NCOR1: variants seen among roughly 807,000 people sequenced by gnomAD.
NCOR1 encodes protein phosphatase 1, regulatory subunit 109.
A neutral mutation model predicts 288.1 loss-of-function variants in NCOR1; 63 were observed. The ratio of observed to expected loss-of-function variants is 0.22; its 90% CI spans 0.18 to 0.27. NCOR1 has a LOEUF of 0.27. Ranked by LOEUF, NCOR1 falls within the 10% of genes least tolerant of loss-of-function variation. NCOR1 has a pLI of 1.00. For synonymous variants in NCOR1, 1,007 were observed against 1,065.9 expected (o/e 0.94, Z 1.08); for missense variants, 2,397 against 3,019.2 (o/e 0.79, Z 4.83).
chr17:16,147,665 A>C (rs1240646686), intron 9 of NCOR1, among the ~76,000 whole-genome samples: 3 of 152,102 alleles, frequency 2.0e-5, no homozygotes, highest in Non-Finnish European at 4.4e-5. Context: ...ATTCCACACC[A>C]CACCCCACTC....
intron 43 of NCOR1, 89 bp downstream of exon 43, chr17:16,040,352 G>T: frequency 9.5e-7 from 1 of 1,055,706 alleles, no homozygotes; most frequent in Non-Finnish European, 1.5e-6. Flanking sequence ...TCACTCCCCT[G>T]GTATACAGTT....
intron 26 of NCOR1, among the ~76,000 whole-genome samples, chr17:16,078,810 G>A (rs1567876179): frequency 1.3e-5 from 2 of 152,134 alleles, no homozygotes; most frequent in South Asian, 2.1e-4. Context: ...TCCTGACCTC[G>A]TGATCCGCTC....
intron 3 of NCOR1, among the ~76,000 whole-genome samples, chr17:16,176,641 T>TA (rs2084260255): frequency 6.6e-6 from 1 of 152,096 alleles, no homozygotes; most frequent in South Asian, 2.1e-4. Context: ...TTTTTATTGT[T>TA]AAACTGTCTG....
chr17:16,160,302 G>A (rs1197362968), intron 5 of NCOR1, among the ~76,000 whole-genome samples: 2 of 151,766 alleles, frequency 1.3e-5, no homozygotes, highest in Admixed American at 6.6e-5. Flanking sequence ...AAGCAAGCAG[G>A]GACTTGTCTG....
At chr17:16,199,234 C>G (rs2090429119) in intron 1 of NCOR1, among the ~76,000 whole-genome samples, 4 of 149,542 alleles carry the variant, frequency 2.7e-5, no homozygotes, top group Admixed American at 2.0e-4. Flanking sequence ...CACACACACA[C>G]ACACACACAC....
chr17:16,200,460 G>A (rs1210081485), intron 1 of NCOR1, among the ~76,000 whole-genome samples: 1 of 122,486 alleles, frequency 8.2e-6, no homozygotes, highest in Non-Finnish European at 1.6e-5. Context: ...TCGTGCCACT[G>A]CACTCCAGCT....
intron 19 of NCOR1, among the ~76,000 whole-genome samples, chr17:16,105,627 T>C (rs996611134): frequency 9.9e-5 from 15 of 152,120 alleles, no homozygotes; most frequent in Non-Finnish European, 7.4e-5. Flanking sequence ...CTTTGGCTGT[T>C]AACAACAAGA....
intron 14 of NCOR1, 70 bp from the exon 15 acceptor site, chr17:16,126,276 T>C: frequency 2.1e-6 from 3 of 1,396,372 alleles, no homozygotes; most frequent in Non-Finnish European, 2.8e-6. Context: ...TGTGATAAAT[T>C]ATGTCTATCT....
chr17:16,094,897 C>T (rs1194254090), intron 21 of NCOR1, among the ~76,000 whole-genome samples: 3 of 151,906 alleles, frequency 2.0e-5, no homozygotes, highest in African/African-American at 7.3e-5. Flanking sequence ...AGTGCAGTGG[C>T]GTGATCTCGG....
At chr17:16,212,342 T>C (rs1161387600) in intron 1 of NCOR1, among the ~76,000 whole-genome samples, 2 of 152,174 alleles carry the variant, frequency 1.3e-5, no homozygotes, top group African/African-American at 2.4e-5. Context: ...TGCTCGACTA[T>C]ATTTTATAAC....
Position 16,032,107 on chromosome 17 carries a change from TG to T in NCOR1, c.*188del. ...ATTGCCTGTATCAAAGGCAGTTTTT[TG>T]TTTGTTTTTTTCCCATTTGACTCTC... is the stretch of plus-strand genomic sequence containing the variant. On this transcript the variant is annotated 3_prime_UTR_variant, in exon 46 of 46. Coordinates refer to ENST00000268712, the MANE Select transcript of NCOR1 (RefSeq NM_006311.4). The T allele has an allele frequency of 1.7e-6, 1 of 577,948 alleles. No homozygotes were observed. Among genetic ancestry groups the T allele is most frequent in the South Asian group, 2.7e-5 (1 of 37,192 alleles). The allele number at this position is 577,948 out of a possible 1,614,324, so 35.8% of individuals were successfully genotyped here. A position where few individuals can be genotyped will look rare whatever the true frequency, so the allele number is the denominator to read the frequency against.
chr17:16,068,472 C>G (rs957922165), intron 31 of NCOR1: 1 of 237,566 alleles, frequency 4.2e-6, no homozygotes, highest in Admixed American at 5.3e-5. Flanking sequence ...CTTTTGTCCC[C>G]ACATGTAGTA....
At position 16,047,069 on chromosome 17, in the gene NCOR1, A is replaced by G; in HGVS notation, c.6561T>C (p.Ser2187=). ...TGAAGAATGAAGGCAAGTAGCTTAT[A>G]CTCCCTGGTGAGCGGGCATCATTCC... The part of the protein sequence containing the change: ...EQRNDARSPG[S]ISYLPSFFTK... The change falls in exon 42 of 46, where the codon AGT becomes AGC. Residue 2187 remains serine, a synonymous_variant. Coordinates refer to ENST00000268712, the MANE Select transcript of NCOR1 (RefSeq NM_006311.4). 1 of 1,613,306 alleles carries G rather than the reference A, an allele frequency of 6.2e-7. No homozygotes were observed.
At chr17:16,056,255 C>T (rs2059900861) in intron 40 of NCOR1, among the ~76,000 whole-genome samples, 1 of 151,596 alleles carries the variant, frequency 6.6e-6, no homozygotes, top group Non-Finnish European at 1.5e-5. Flanking sequence ...CAGGTATTTG[C>T]CAGAATCTTT....
At chr17:16,202,842 C>T (rs916481066) in intron 1 of NCOR1, among the ~76,000 whole-genome samples, 17 of 152,146 alleles carry the variant, frequency 1.1e-4, no homozygotes, top group African/African-American at 3.9e-4. Flanking sequence ...CTCTCAGCAC[C>T]CCCGAGCTCC....
chr17:16,187,294 G>A (rs2086863780), intron 2 of NCOR1, among the ~76,000 whole-genome samples: 1 of 149,792 alleles, frequency 6.7e-6, no homozygotes, highest in Non-Finnish European at 1.5e-5. Context: ...AAATAAGCTA[G>A]GAACTCCAGT....
At chr17:16,075,482 G>A (rs2062330129) in intron 27 of NCOR1, 52 bp downstream of exon 27, 1 of 1,576,204 alleles carries the variant, frequency 6.3e-7, no homozygotes, top group South Asian at 1.1e-5. Context: ...CCAAGCCTAT[G>A]TTTTTAGCAC....
Position 16,215,310 on chromosome 17 carries a change from C to T in NCOR1, c.-71+52G>A, listed in dbSNP as rs572421991. On this transcript the variant is annotated intron_variant, in intron 1 of 45. Coordinates refer to ENST00000268712, the MANE Select transcript of NCOR1 (RefSeq NM_006311.4). ...TGCCCCGGGAGCCCTCGGAAGCCCC[C>T]GGACTAGCAGGAGCCCGGAGGCCGG... The T allele has an allele frequency of 1.4e-3, 561 of 390,124 alleles. 5 individuals carry two copies. Among genetic ancestry groups the T allele is most frequent in the African/African-American group, 9.7e-3 (467 of 48,330 alleles). 24.2% of individuals were successfully genotyped at this position (390,124 alleles called of 1,614,324 possible).
At chr17:16,110,348 G>A (rs561628463) in intron 18 of NCOR1, among the ~76,000 whole-genome samples, 8 of 149,550 alleles carry the variant, frequency 5.3e-5, no homozygotes, top group East Asian at 3.9e-4. Flanking sequence ...AGTGAGACTC[G>A]TTCAAAAAAA....
Sources: gnomAD v4.1 joint callset for allele counts (sites outside exome capture counted in the v4.1 genomes callset) on GRCh38, gnomAD v4.1.1 for gene constraint, MANE v1.5 for transcripts, NCBI Gene and HGNC (gene_info 2026-07-23, HGNC 2026-07-21) for gene names.